Variants in PCDHA12 observed in about 807,000 individuals in gnomAD.
PCDHA12 encodes protocadherin alpha-12.
PCDHA12 carries 44 observed loss-of-function variants against 60.0 expected under a neutral mutation model. The ratio of observed to expected loss-of-function variants is 0.73; its 90% CI spans 0.58 to 0.94. The LOEUF (loss-of-function observed/expected upper bound fraction) is 0.94. Ranked by LOEUF, PCDHA12 falls within the 40% of genes least tolerant of loss-of-function variation. PCDHA12 has a pLI of 0.00. For synonymous variants in PCDHA12, 569 were observed against 553.0 expected (o/e 1.03, Z -0.40); for missense variants, 1,276 against 1,239.7 (o/e 1.03, Z -0.44).
Position 140,876,461 on chromosome 5 carries a change from T to C in PCDHA12, c.989T>C (p.Met330Thr), listed in dbSNP as rs782233071. 28 of 1,613,936 alleles carry C rather than the reference T, an allele frequency of 1.7e-5. No homozygotes were observed. In the East Asian group the frequency reaches 5.8e-4, roughly 33 times the overall value. ...GCCATTGATAAAGGGATTCCTTCCA[T>C]GGCAGGTCACAGCATGGTCCTGGTG... Reference protein sequence around the residue: ...VNAIDKGIPSMAGHSMVLVEV... With the variant: ...VNAIDKGIPSTAGHSMVLVEV... Residue 330 changes from methionine to threonine, a missense_variant, in exon 1 of 4, where the codon ATG (methionine) becomes ACG (threonine). Coordinates refer to ENST00000398631, the MANE Select transcript of PCDHA12 (RefSeq NM_018903.4).
At chr5:140,966,267 G>T (rs141363782) in intron 1 of PCDHA12, 112 of 351,092 alleles carry the variant, frequency 3.2e-4, no homozygotes, top group Non-Finnish European at 4.7e-4. Context: ...GAGACTGGAT[G>T]AACTGGACAG....
intron 1 of PCDHA12, among the ~76,000 whole-genome samples, chr5:140,948,503 A>G (rs949915439): frequency 1.4e-4 from 22 of 151,736 alleles, no homozygotes; most frequent in Middle Eastern, 3.4e-3. Flanking sequence ...TAGACTTTCT[A>G]TTAAAAATGT....
chr5:140,877,095 C>G lies in PCDHA12; in HGVS notation c.1623C>G (p.Gly541=). The change falls in exon 1 of 4, where the codon GGC becomes GGG. Residue 541 remains glycine, a synonymous_variant. Transcript: ENST00000398631. The part of the protein sequence containing the change: ...LQFQVSARDA[G]VPPLGSNVTL... ...TCCAGGTGAGCGCGCGCGACGCCGG[C>G]GTGCCGCCTCTGGGCAGCAACGTGA... The G allele has an allele frequency of 6.2e-7, 1 of 1,613,330 alleles. No homozygotes were observed. The highest frequency in any genetic ancestry group is 1.7e-5 in the Admixed American group (1 of 59,990).
chr5:140,911,052 G>T (rs1172408042), intron 1 of PCDHA12, among the ~76,000 whole-genome samples: 1 of 152,044 alleles, frequency 6.6e-6, no homozygotes, highest in Non-Finnish European at 1.5e-5. Context: ...AGGGGTGGTG[G>T]GGGGTGGGTC....
intron 3 of PCDHA12, among the ~76,000 whole-genome samples, chr5:141,001,598 G>C (rs2098027263): frequency 6.6e-6 from 1 of 152,088 alleles, no homozygotes; most frequent in South Asian, 2.1e-4. Flanking sequence ...ACTCAGATTA[G>C]GTTTGCCCAA....
intron 1 of PCDHA12, among the ~76,000 whole-genome samples, chr5:140,941,032 T>C (rs1321810263): frequency 6.6e-6 from 1 of 152,222 alleles, no homozygotes; most frequent in Non-Finnish European, 1.5e-5. Flanking sequence ...CTGGCCTTTT[T>C]GGTGCCAAGT....
At position 140,905,743 on chromosome 5, in the gene PCDHA12, C is replaced by G. The variant is rs550937383; in HGVS notation, c.2367+27904C>G. On this transcript the variant is annotated intron_variant, in intron 1 of 3. Coordinates refer to ENST00000398631, the MANE Select transcript of PCDHA12 (RefSeq NM_018903.4). ...GTTTTGTAGTTTTCCTTGTAGAGAT[C>G]TTTCACCTCCTTGGTTAAGTATATT... Among the ~76,000 whole-genome samples, 7 of 152,232 alleles carry G rather than the reference C, an allele frequency of 4.6e-5. No individual in the cohort carries two copies. In the South Asian group the frequency reaches 1.0e-3, roughly 23 times the overall value.
chr5:140,955,557 C>T (rs1281978824), intron 1 of PCDHA12, among the ~76,000 whole-genome samples: 1 of 152,114 alleles, frequency 6.6e-6, no homozygotes, highest in East Asian at 1.9e-4. Flanking sequence ...GCCTCCCCAG[C>T]CATACTGAAC....
At chr5:140,926,738 G>T in intron 1 of PCDHA12, 1 of 1,162,106 alleles carries the variant, frequency 8.6e-7, no homozygotes, top group Non-Finnish European at 1.1e-6. Context: ...TTCGGGAGGC[G>T]CAACGTCGGC....
At chr5:140,968,965 C>T in intron 1 of PCDHA12, 1 of 1,614,208 alleles carries the variant, frequency 6.2e-7, no homozygotes, top group Non-Finnish European at 8.5e-7. Context: ...AGTGCTACCG[C>T]TACACTGCGT....
chr5:140,897,349 A>G (rs539353387), intron 1 of PCDHA12, among the ~76,000 whole-genome samples: 33 of 107,320 alleles, frequency 3.1e-4, no homozygotes, highest in African/African-American at 1.0e-3. Flanking sequence ...CCACCCCACA[A>G]CTGTCCCCAG....
At chr5:140,979,900 T>A (rs1554241214) in intron 2 of PCDHA12, among the ~76,000 whole-genome samples, 4 of 152,214 alleles carry the variant, frequency 2.6e-5, no homozygotes, top group Admixed American at 6.5e-5. Context: ...CAAACTTAGA[T>A]CAGTTCGTAA....
In PCDHA12 at chr5:140,877,515, G is replaced by T. The variant is rs371100299; in HGVS notation, c.2043G>T (p.Arg681=). ...ENGQAPKTSS[R]ASVGAVDPEA... ...GCCAGGCCCCAAAGACGTCGTCGCG[G>T]GCCTCAGTGGGCGCTGTGGATCCCG... The change falls in exon 1 of 4, where the codon CGG becomes CGT. Residue 681 remains arginine (R), a synonymous_variant. Transcript: ENST00000398631. 6.2e-7 allele frequency: 1 copy of T among 1,613,678 alleles called. No homozygotes were observed. The highest frequency in any genetic ancestry group is 1.3e-5 in the African/African-American group (1 of 74,934).
At chr5:141,002,565 G>A (rs782803550) in intron 3 of PCDHA12, among the ~76,000 whole-genome samples, 9 of 152,196 alleles carry the variant, frequency 5.9e-5, no homozygotes, top group Non-Finnish European at 2.9e-5. Flanking sequence ...ACCAGTTAGT[G>A]ACCATGTGAC....
At chr5:140,928,928 C>T in intron 1 of PCDHA12, 3 of 1,614,130 alleles carry the variant, frequency 1.9e-6, no homozygotes, top group Non-Finnish European at 2.5e-6. Context: ...CAGCTTTCTG[C>T]CCAGAACTTG....
chr5:140,926,797 T>C (rs2153584735), intron 1 of PCDHA12: 2 of 1,450,476 alleles, frequency 1.4e-6, no homozygotes, highest in Admixed American at 2.7e-5. Flanking sequence ...AGGAGCGTGC[T>C]CTTCCCCGCG....
chr5:140,926,682 C>T, intron 1 of PCDHA12: 1 of 656,722 alleles, frequency 1.5e-6, no homozygotes, highest in Non-Finnish European at 2.3e-6. Context: ...CAGCCTCCAG[C>T]CTAGCAAGCC....
intron 3 of PCDHA12, among the ~76,000 whole-genome samples, chr5:140,992,437 T>G (rs1554252912): frequency 6.6e-6 from 1 of 151,938 alleles, no homozygotes; most frequent in African/African-American, 2.4e-5. Context: ...GTTCCAAGAG[T>G]TGGGAGCAGG....
At chr5:140,890,693 G>C (rs980920550) in intron 1 of PCDHA12, among the ~76,000 whole-genome samples, 7 of 151,828 alleles carry the variant, frequency 4.6e-5, no homozygotes, top group Non-Finnish European at 8.8e-5. Flanking sequence ...GGAAATGCAG[G>C]GACCTTACAT....
Sources: gnomAD v4.1 joint callset for allele counts (sites outside exome capture counted in the v4.1 genomes callset) on GRCh38, gnomAD v4.1.1 for gene constraint, MANE v1.5 for transcripts, NCBI Gene and HGNC (gene_info 2026-07-23, HGNC 2026-07-21) for gene names.